The following ENOX1 variants were observed in gnomAD, a reference collection of about 807,000 sequenced individuals.
ENOX1 encodes the protein candidate growth-related and time keeping constitutive hydroquinone (NADH) oxidase.
A neutral mutation model predicts 82.5 loss-of-function variants in ENOX1; 42 were observed. That is an observed-to-expected ratio of 0.51 (90% CI 0.40 to 0.66). ENOX1 has a LOEUF of 0.66. ENOX1 is among the 30% of genes least tolerant of loss of function. ENOX1 has a pLI of 0.00. For missense variants in ENOX1, 608 were observed against 811.6 expected (o/e 0.75, Z 3.05); for synonymous variants, 271 against 282.2 (o/e 0.96, Z 0.40).
chr13:43,592,161 G>A (rs1017141335), intron 2 of ENOX1, among the ~76,000 whole-genome samples: 1 of 152,128 alleles, frequency 6.6e-6, no homozygotes, highest in African/African-American at 2.4e-5. Flanking sequence ...CCAACTTTTT[G>A]ACTAGATATA....
chr13:43,631,447 G>C (rs1293563466), intron 2 of ENOX1, among the ~76,000 whole-genome samples: 1 of 152,108 alleles, frequency 6.6e-6, no homozygotes, highest in Admixed American at 6.5e-5. Context: ...GGCTCTTTCA[G>C]CTTGCACAAA....
intron 2 of ENOX1, among the ~76,000 whole-genome samples, chr13:43,597,936 G>A (rs564419802): frequency 2.6e-5 from 4 of 152,126 alleles, no homozygotes; most frequent in Admixed American, 1.3e-4. Flanking sequence ...AATGGTACCA[G>A]CTTAGCAAGG....
intron 12 of ENOX1, among the ~76,000 whole-genome samples, chr13:43,294,830 A>G (rs1034868823): frequency 4.6e-5 from 7 of 152,204 alleles, no homozygotes; most frequent in African/African-American, 1.7e-4. Context: ...AGCATCATGG[A>G]TCAGTCTTAG....
chr13:43,218,230 TA>T (rs924471996), intron 16 of ENOX1, among the ~76,000 whole-genome samples: 1 of 152,238 alleles, frequency 6.6e-6, no homozygotes, highest in Admixed American at 6.5e-5. Context: ...GTGTAAGATA[TA>T]ACAGCTGGGT....
chr13:43,679,541 T>A (rs569807566), intron 1 of ENOX1, among the ~76,000 whole-genome samples: 103 of 152,306 alleles, frequency 6.8e-4, no homozygotes, highest in African/African-American at 2.3e-3. Context: ...GTAATTAGTA[T>A]TTGGAGATAA....
rs529606891 is a variant in ENOX1, at chr13:43,453,659, T to C, written c.-75+30350A>G. ...GGAGAACACTATTATCCGGGGTCCC[T>C]CAAAGATCCCTCAGAGAGCTTTTTG... is the stretch of plus-strand genomic sequence containing the variant. On this transcript the variant is annotated intron_variant, in intron 3 of 16. Coordinates refer to ENST00000690772, the MANE Select transcript of ENOX1 (RefSeq NM_001347969.2). 1.7e-3 allele frequency among the ~76,000 whole-genome samples: 253 copies of C among 152,240 alleles called. 2 individuals are homozygous for C. Among genetic ancestry groups the C allele is most frequent in the African/African-American group, 6.0e-3 (250 of 41,538 alleles).
intron 1 of ENOX1, among the ~76,000 whole-genome samples, chr13:43,702,428 G>C (rs1566794896): frequency 6.6e-6 from 1 of 152,188 alleles, no homozygotes. Context: ...ATACTCTACT[G>C]CAGGATTAAA....
intron 5 of ENOX1, among the ~76,000 whole-genome samples, chr13:43,378,525 A>G (rs1419605210): frequency 6.6e-6 from 1 of 152,244 alleles, no homozygotes; most frequent in African/African-American, 2.4e-5. Context: ...GACTATTCTC[A>G]TCAGTTAGAG....
chr13:43,500,040 G>A (rs1252830180), intron 2 of ENOX1, among the ~76,000 whole-genome samples: 1 of 152,016 alleles, frequency 6.6e-6, no homozygotes, highest in Non-Finnish European at 1.5e-5. Flanking sequence ...AGAAAGAAAA[G>A]TGTGAGGAAA....
intron 11 of ENOX1, among the ~76,000 whole-genome samples, chr13:43,307,908 C>T (rs1485859787): frequency 1.3e-5 from 2 of 152,236 alleles, no homozygotes; most frequent in African/African-American, 4.8e-5. Context: ...TGCCCTTGAC[C>T]GGGCCCCGGG....
At chr13:43,720,425 G>A (rs899321255) in intron 1 of ENOX1, among the ~76,000 whole-genome samples, 18 of 152,246 alleles carry the variant, frequency 1.2e-4, no homozygotes, top group African/African-American at 4.1e-4. Context: ...CTCCTTGAAA[G>A]TTTGCCCACT....
At chr13:43,311,397 C>T (rs1489089406) in intron 11 of ENOX1, among the ~76,000 whole-genome samples, 1 of 151,502 alleles carries the variant, frequency 6.6e-6, no homozygotes, top group Non-Finnish European at 1.5e-5. Flanking sequence ...AAAAAATATC[C>T]CCCAACAGAT....
At chr13:43,646,629 A>T (rs1214120737) in intron 2 of ENOX1, among the ~76,000 whole-genome samples, 1 of 152,160 alleles carries the variant, frequency 6.6e-6, no homozygotes, top group Non-Finnish European at 1.5e-5. Context: ...GATTGATTAC[A>T]TGCTGTCACA....
intron 5 of ENOX1, among the ~76,000 whole-genome samples, chr13:43,390,000 C>A (rs1472030564): frequency 6.6e-6 from 1 of 152,010 alleles, no homozygotes; most frequent in Non-Finnish European, 1.5e-5. Flanking sequence ...AACTTATGTG[C>A]AAATATAAGA....
intron 2 of ENOX1, among the ~76,000 whole-genome samples, chr13:43,555,716 T>C (rs553695595): frequency 1.1e-4 from 16 of 152,218 alleles, no homozygotes; most frequent in Non-Finnish European, 1.3e-4. Flanking sequence ...CCAATTCATG[T>C]ACAATGGAAA....
chr13:43,247,856 TATATATATATATATATATATATATATA>T (rs1189478088), intron 14 of ENOX1, among the ~76,000 whole-genome samples: 456 of 4,240 alleles, frequency 0.11, 9 homozygotes, highest in South Asian at 0.29. Flanking sequence ...TATATATATA[TATATATATATATATATATATATATATA>T]TTTTTTTTTT....
chr13:43,720,766 A>T (rs905842268), intron 1 of ENOX1, among the ~76,000 whole-genome samples: 1 of 152,196 alleles, frequency 6.6e-6, no homozygotes, highest in African/African-American at 2.4e-5. Flanking sequence ...TTGATGCTCC[A>T]TGAAGACAGA....
chr13:43,247,862 TA>T (rs57934754), intron 14 of ENOX1, among the ~76,000 whole-genome samples: 97 of 3,462 alleles, frequency 0.028, 11 homozygotes, highest in Admixed American at 0.056. Flanking sequence ...TATATATATA[TA>T]TATATATATA....
At chr13:43,534,102 A>G (rs926629261) in intron 2 of ENOX1, among the ~76,000 whole-genome samples, 11 of 152,164 alleles carry the variant, frequency 7.2e-5, no homozygotes, top group Non-Finnish European at 1.5e-5. Context: ...ACCAAGCCAC[A>G]GCCTCCTTAA....
Sources: allele counts gnomAD v4.1 joint callset (sites outside exome capture counted in the v4.1 genomes callset), GRCh38; gene constraint gnomAD v4.1.1; transcripts MANE v1.5; gene names NCBI Gene and HGNC (gene_info 2026-07-23, HGNC 2026-07-21).